The following CLU variants were observed in gnomAD, a reference collection of about 807,000 sequenced individuals.
CLU encodes the protein clusterin.
In CLU, 25 loss-of-function variants were observed where a neutral mutation model predicts 46.4. The observed-to-expected ratio is 0.54, with a 90% CI of 0.39 to 0.75. The LOEUF (loss-of-function observed/expected upper bound fraction) is 0.75, where lower values mean the gene tolerates loss of function less well. CLU is among the 30% of genes least tolerant of loss of function. CLU has a pLI of 0.00. For synonymous variants in CLU, 235 were observed against 235.1 expected (o/e 1.00, Z 0.00); for missense variants, 504 against 592.1 (o/e 0.85, Z 1.54).
intron 1 of CLU, among the ~76,000 whole-genome samples, chr8:27,613,135 C>T (rs1201685688): frequency 6.6e-6 from 1 of 152,102 alleles, no homozygotes; most frequent in African/African-American, 2.4e-5. Flanking sequence ...ACCTGTCACC[C>T]CAGCACTTTG....
At chr8:27,600,803 C>G (rs1362994726) in intron 6 of CLU, among the ~76,000 whole-genome samples, 2 of 152,180 alleles carry the variant, frequency 1.3e-5, no homozygotes, top group African/African-American at 4.8e-5. Flanking sequence ...AGAAAGTTCT[C>G]TCTGGATATC....
chr8:27,605,592 G>T (rs1045719154), intron 4 of CLU, among the ~76,000 whole-genome samples: 9 of 152,238 alleles, frequency 5.9e-5, no homozygotes, highest in Non-Finnish European at 4.4e-5. Context: ...AACATTTCAG[G>T]TTCATTCACT....
At chr8:27,601,956 C>T (rs1387327677) in intron 6 of CLU, among the ~76,000 whole-genome samples, 2 of 151,854 alleles carry the variant, frequency 1.3e-5, no homozygotes, top group African/African-American at 4.8e-5. Flanking sequence ...CCAGGCGTGG[C>T]GGTGCACGCC....
chr8:27,600,737 A>T (rs184988679), intron 6 of CLU, among the ~76,000 whole-genome samples: 2 of 152,162 alleles, frequency 1.3e-5, no homozygotes, highest in African/African-American at 4.8e-5. Context: ...TCCAGAGAGG[A>T]GGAATATTAC....
chr8:27,598,333 T>G, intron 8 of CLU, 83 bp from the exon 9 acceptor site: 3 of 1,600,446 alleles, frequency 1.9e-6, no homozygotes, highest in Non-Finnish European at 2.6e-6. Flanking sequence ...CTGGCTTTGT[T>G]CTTGGGCTCT....
At position 27,597,463 on chromosome 8, in the gene CLU, C is replaced by G. The variant is rs1332210319; in HGVS notation, c.*778G>C. On this transcript the variant is annotated 3_prime_UTR_variant, in exon 9 of 9. Coordinates refer to ENST00000316403, the MANE Select transcript of CLU (RefSeq NM_001831.4). Reference sequence around the variant, plus strand: ...AAATGCCACAGTCAAGAAGATGCCCCTGGGATGCTGAGCTCTTACAACTCG... The same window carrying G: ...AAATGCCACAGTCAAGAAGATGCCCGTGGGATGCTGAGCTCTTACAACTCG... 2 of 454,352 alleles carry G rather than the reference C, an allele frequency of 4.4e-6. No individual in the cohort carries two copies. The highest frequency in any genetic ancestry group is 1.6e-5 in the South Asian group (1 of 64,474). The allele number at this position is 454,352 out of a possible 1,614,324, so 28.1% of individuals were successfully genotyped here. A position where few individuals can be genotyped will look rare whatever the true frequency, so the allele number is the denominator to read the frequency against.
chr8:27,599,697 G>C lies in CLU; in HGVS notation c.1164+83C>G. The C allele has an allele frequency of 9.7e-7, 1 of 1,032,286 alleles. No individual in the cohort carries two copies. The highest frequency in any genetic ancestry group is 1.4e-5 in the South Asian group (1 of 73,828). 63.9% of individuals were successfully genotyped at this position (1,032,286 alleles called of 1,614,324 possible). A position where few individuals can be genotyped will look rare whatever the true frequency, so the allele number is the denominator to read the frequency against. On this transcript the variant is annotated intron_variant, in intron 7 of 8. Transcript: ENST00000316403. This position sits in a 1 kb window ranked among gnomAD's most constrained non-coding sequence, Gnocchi z 4.0. ...TTCTATTTTCTGCCGTGTGATAAATGCTCAGTCAAAAGCACACATGCCCCT... is the reference window on the plus strand; with the variant it reads ...TTCTATTTTCTGCCGTGTGATAAATCCTCAGTCAAAAGCACACATGCCCCT...
At chr8:27,604,262 G>C (rs1800772939) in intron 6 of CLU, 29 bp downstream of exon 6, 1 of 1,574,540 alleles carries the variant, frequency 6.4e-7, no homozygotes, top group Non-Finnish European at 8.7e-7. Context: ...GATCAGGGGG[G>C]ACGGCTTGTG....
Position 27,599,836 on chromosome 8 carries a change from A to T in CLU, c.1108T>A (p.Ser370Thr). The change falls in exon 7 of 9, where the codon TCC (serine) becomes ACC (threonine). Residue 370 changes from serine to threonine, a missense_variant. This residue lies in a region of CLU where 428 missense variants were observed against 484.0 expected (regional missense o/e 0.88). Transcript: ENST00000316403. This position sits in a 1 kb window ranked among gnomAD's most constrained non-coding sequence, Gnocchi z 4.0. ...CCTTGCGTGAGGTTTGCCAGCCGGG[A>T]CACCCAGTTAAACTGCTCGTTCAGC... ...EQLNEQFNWV[S>T]RLANLTQGED... is the part of the protein sequence containing the mutation. The T allele has an allele frequency of 1.2e-6, 2 of 1,614,116 alleles. No individual in the cohort carries two copies. Among genetic ancestry groups the T allele is most frequent in the African/African-American group, 2.7e-5 (2 of 75,044 alleles).
At chr8:27,608,186 A>G (rs1486539599) in intron 3 of CLU, among the ~76,000 whole-genome samples, 3 of 151,014 alleles carry the variant, frequency 2.0e-5, no homozygotes, top group Admixed American at 2.0e-4. Context: ...AGCGGCCAGG[A>G]AAAAAAAACA....
Position 27,599,043 on chromosome 8 carries a change from A to C in CLU, c.1165-408T>G. The C allele has an allele frequency of 6.5e-6, 1 of 152,692 alleles. No individual in the cohort carries two copies. Among genetic ancestry groups the C allele is most frequent in the East Asian group, 1.9e-4 (1 of 5,206 alleles). The allele number at this position is 152,692 out of a possible 1,614,324, so 9.5% of individuals were successfully genotyped here. ...TTTGATTTTTTAACTTTATTTTATT[A>C]TTTTATATATATATATTTTTTAAGA... is the stretch of plus-strand genomic sequence containing the variant. On this transcript the variant is annotated intron_variant, in intron 7 of 8. Transcript: ENST00000316403. The surrounding 1 kb of genome is among the most constrained non-coding windows in gnomAD (Gnocchi z 4.0).
intron 1 of CLU, among the ~76,000 whole-genome samples, chr8:27,612,505 C>T (rs932752057): frequency 3.9e-5 from 6 of 152,130 alleles, no homozygotes; most frequent in African/African-American, 7.2e-5. Context: ...GCAGGAAAAC[C>T]GAGACAAGCA....
intron 6 of CLU, among the ~76,000 whole-genome samples, chr8:27,600,958 A>C (rs1428396005): frequency 6.6e-6 from 1 of 152,142 alleles, no homozygotes; most frequent in African/African-American, 2.4e-5. Context: ...CCATAGAATA[A>C]ATGATCTCTG....
chr8:27,606,475 G>A lies in CLU; in HGVS notation c.296C>T (p.Pro99Leu), dbSNP rs1388938418. ...RESETKLKEL[P>L]GVCNETMMAL... ...CATCATGGTCTCATTGCACACTCCT[G>A]GGAGCTCCTTCAGCTTTGTCTCTGA... is the stretch of plus-strand genomic sequence containing the variant. Residue 99 changes from proline (P) to leucine (L), a missense_variant, in exon 4 of 9, where the codon CCA becomes CTA. Around this residue, in one of 3 missense-constraint regions of CLU, gnomAD observed 428 missense variants for 484.0 expected, o/e 0.88. Transcript: ENST00000316403. The A allele has an allele frequency of 6.2e-7, 1 of 1,614,074 alleles. No individual in the cohort carries two copies. The highest frequency in any genetic ancestry group is 1.3e-5 in the African/African-American group (1 of 74,910).
In CLU at chr8:27,604,385, A is replaced by G. The variant is rs777432954; in HGVS notation, c.840T>C (p.Asp280=). The G allele has an allele frequency of 1.2e-6, 2 of 1,614,174 alleles. No individual in the cohort carries two copies. The highest frequency in any genetic ancestry group is 1.7e-6 in the Non-Finnish European group (2 of 1,180,018). Residue 280 remains aspartate (D), a synonymous_variant, in exon 6 of 9, where the codon GAT becomes GAC. Coordinates refer to ENST00000316403, the MANE Select transcript of CLU (RefSeq NM_001831.4). The part of the protein sequence containing the change: ...PPTEFIREGD[D]DRTVCREIRH... Reference sequence around the variant, plus strand: ...GGATCTCCCGGCACACAGTCCGGTCATCGTCGCCTTCTGGGGACACACGAG... The same window carrying G: ...GGATCTCCCGGCACACAGTCCGGTCGTCGTCGCCTTCTGGGGACACACGAG...
Position 27,606,464 on chromosome 8 carries a change from T to C in CLU, c.307A>G (p.Asn103Asp). ...TKLKELPGVC[N>D]ETMMALWEEC... Reference sequence around the variant, plus strand: ...TCCCAGAGGGCCATCATGGTCTCATTGCACACTCCTGGGAGCTCCTTCAGC... The same window carrying C: ...TCCCAGAGGGCCATCATGGTCTCATCGCACACTCCTGGGAGCTCCTTCAGC... The change falls in exon 4 of 9, where the codon AAT (asparagine) becomes GAT (aspartate). Residue 103 changes from asparagine to aspartate, a missense_variant. Asn to Asp is a conservative substitution (Grantham distance 23). Transcript: ENST00000316403. 1 of 1,614,220 alleles carries C rather than the reference T, an allele frequency of 6.2e-7. No homozygotes were observed. The highest frequency in any genetic ancestry group is 8.5e-7 in the Non-Finnish European group (1 of 1,180,034).
chr8:27,597,197 C>T lies in CLU; in HGVS notation c.*1044G>A. 4.4e-6 allele frequency: 2 copies of T among 454,298 alleles called. No homozygotes were observed. The highest frequency in any genetic ancestry group is 8.8e-6 in the Non-Finnish European group (2 of 226,792). The allele number at this position is 454,298 out of a possible 1,614,324, so 28.1% of individuals were successfully genotyped here. A position where few individuals can be genotyped will look rare whatever the true frequency, so the allele number is the denominator to read the frequency against. The stretch of plus-strand genomic sequence containing the variant: ...ATTTACATGTGGACTTTGCTACACA[C>T]CTGGGATGCAGCCAGATGAGTTTTG... On this transcript the variant is annotated 3_prime_UTR_variant, in exon 9 of 9. Coordinates refer to ENST00000316403, the MANE Select transcript of CLU (RefSeq NM_001831.4).
chr8:27,598,025 G>C lies in CLU; in HGVS notation c.*216C>G, dbSNP rs1315267232. On this transcript the variant is annotated 3_prime_UTR_variant, in exon 9 of 9. Coordinates refer to ENST00000316403, the MANE Select transcript of CLU (RefSeq NM_001831.4). Reference sequence around the variant, plus strand: ...CTCACAAGACAGTTTTATTGAATTAGTTGCATGCAGGAGCAATTCTGTTCT... The same window carrying C: ...CTCACAAGACAGTTTTATTGAATTACTTGCATGCAGGAGCAATTCTGTTCT... 2 of 697,388 alleles carry C rather than the reference G, an allele frequency of 2.9e-6. No homozygotes were observed. Among genetic ancestry groups the C allele is most frequent in the South Asian group, 3.0e-5 (2 of 66,616 alleles). 43.2% of individuals were successfully genotyped at this position (697,388 alleles called of 1,614,324 possible).
chr8:27,605,672 G>A (rs980069152), intron 4 of CLU, among the ~76,000 whole-genome samples: 1 of 152,216 alleles, frequency 6.6e-6, no homozygotes, highest in Non-Finnish European at 1.5e-5. Flanking sequence ...TTCAGGGATT[G>A]GAGCAATTCA....
Sources: gnomAD v4.1 joint callset for allele counts (sites outside exome capture counted in the v4.1 genomes callset) on GRCh38, gnomAD v4.1.1 for gene constraint, gnomAD v4.1.1 regional missense constraint, Gnocchi (gnomAD v3.1) non-coding constraint, MANE v1.5 for transcripts, NCBI Gene and HGNC (gene_info 2026-07-23, HGNC 2026-07-21) for gene names.